Variants in RBFOX1 observed in about 807,000 individuals in gnomAD.
RBFOX1 encodes RNA binding fox-1 homolog 1, also known as RNA binding protein fox-1 homolog 1.
In RBFOX1, 8 loss-of-function variants were observed where a neutral mutation model predicts 57.7. The observed-to-expected ratio is 0.14, with a 90% CI of 0.08 to 0.25. The LOEUF is 0.25. Ranked by LOEUF, RBFOX1 falls within the 10% of genes least tolerant of loss-of-function variation. The pLI, the probability that RBFOX1 is intolerant of heterozygous loss-of-function variation, is 1.00. For missense variants in RBFOX1, 611 were observed against 548.5 expected, an observed-to-expected ratio of 1.11 and a Z score of -1.14; for synonymous variants, 326 against 222.4, an observed-to-expected ratio of 1.47 and a Z score of -4.15.
intron 1 of RBFOX1, among the ~76,000 whole-genome samples, chr16:5,283,083 G>T (rs1485175814): frequency 6.6e-6 from 1 of 152,216 alleles, no homozygotes; most frequent in Non-Finnish European, 1.5e-5. Context: ...TACAACGTAG[G>T]CTGTGACTTC....
At chr16:5,281,345 A>T (rs554095839) in intron 1 of RBFOX1, among the ~76,000 whole-genome samples, 2 of 152,314 alleles carry the variant, frequency 1.3e-5, no homozygotes, top group South Asian at 2.1e-4. Flanking sequence ...GTGTCCTAGC[A>T]TATGGTCTAT....
chr16:6,749,964 T>C (rs778118287), intron 3 of RBFOX1, among the ~76,000 whole-genome samples: 2 of 152,114 alleles, frequency 1.3e-5, no homozygotes, highest in African/African-American at 4.8e-5. Flanking sequence ...GGCACACAAA[T>C]GAAAAGATGG....
chr16:5,623,436 T>G (rs1334175004), intron 3 of RBFOX1, among the ~76,000 whole-genome samples: 4 of 152,154 alleles, frequency 2.6e-5, no homozygotes, highest in Non-Finnish European at 5.9e-5. Flanking sequence ...TCTGTTCTAG[T>G]GGGAGAACAC....
intron 3 of RBFOX1, among the ~76,000 whole-genome samples, chr16:6,720,141 T>C (rs529179052): frequency 6.6e-6 from 1 of 152,136 alleles, no homozygotes; most frequent in South Asian, 2.1e-4. Context: ...GTTAGTAAAG[T>C]GCATGCTTAG....
At chr16:5,717,161 C>T (rs1174854573) in intron 3 of RBFOX1, among the ~76,000 whole-genome samples, 1 of 152,100 alleles carries the variant, frequency 6.6e-6, no homozygotes, top group Non-Finnish European at 1.5e-5. Context: ...ATGAATCCAG[C>T]AGAAAAGTCA....
intron 3 of RBFOX1, among the ~76,000 whole-genome samples, chr16:5,612,538 T>A (rs1348130295): frequency 1.3e-5 from 2 of 152,254 alleles, no homozygotes; most frequent in Non-Finnish European, 2.9e-5. Flanking sequence ...ATAATGGCTC[T>A]GAGAAAGGTT....
At chr16:6,741,241 G>C (rs114288270) in intron 3 of RBFOX1, among the ~76,000 whole-genome samples, 1 of 152,076 alleles carries the variant, frequency 6.6e-6, no homozygotes, top group Admixed American at 6.6e-5. Context: ...AAAATGGATC[G>C]TAGGTTAAAT....
chr16:5,310,632 C>G (rs952434509), intron 1 of RBFOX1, among the ~76,000 whole-genome samples: 16 of 152,096 alleles, frequency 1.1e-4, no homozygotes, highest in African/African-American at 3.6e-4. Context: ...AGAATCGATT[C>G]CCAATTTATG....
In RBFOX1 at chr16:6,026,806, C is replaced by T. The variant is rs138943123; in HGVS notation, c.-127+6814C>T. ...TCTCTGGCCTCTTTATCTAGGCTCA[C>T]GCTCTGAGTATGATTTTGAGGGAGC... On this transcript the variant is annotated intron_variant, in intron 1 of 15. Coordinates refer to ENST00000550418, the MANE Select transcript of RBFOX1 (RefSeq NM_018723.4). Among the ~76,000 whole-genome samples, 89 of 152,314 alleles carry T rather than the reference C, an allele frequency of 5.8e-4. No individual in the cohort carries two copies. In the Middle Eastern group the frequency reaches 0.01, roughly 17 times the overall value.
At chr16:5,690,717 G>C (rs756934961) in intron 3 of RBFOX1, among the ~76,000 whole-genome samples, 5 of 152,130 alleles carry the variant, frequency 3.3e-5, no homozygotes, top group Non-Finnish European at 5.9e-5. Flanking sequence ...GTACAGAAAG[G>C]AAACTGACGT....
At chr16:6,745,708 TG>T (rs2073429917) in intron 3 of RBFOX1, among the ~76,000 whole-genome samples, 1 of 152,218 alleles carries the variant, frequency 6.6e-6, no homozygotes, top group African/African-American at 2.4e-5. Context: ...GAGGAAATAC[TG>T]GTGTTGCCCC....
At chr16:6,649,812 T>G (rs1448302252) in intron 2 of RBFOX1, among the ~76,000 whole-genome samples, 1 of 152,178 alleles carries the variant, frequency 6.6e-6, no homozygotes, top group African/African-American at 2.4e-5. Flanking sequence ...TGCATGTATA[T>G]TGGGTAAGTT....
At chr16:7,216,347 T>C (rs1204617368) in intron 4 of RBFOX1, among the ~76,000 whole-genome samples, 1 of 152,050 alleles carries the variant, frequency 6.6e-6, no homozygotes, top group Non-Finnish European at 1.5e-5. Flanking sequence ...TTCCGTAAAA[T>C]GGGAATAATA....
At chr16:7,461,233 T>C (rs1290330120) in intron 4 of RBFOX1, among the ~76,000 whole-genome samples, 1 of 152,010 alleles carries the variant, frequency 6.6e-6, no homozygotes, top group Non-Finnish European at 1.5e-5. Flanking sequence ...AGTGGCACTA[T>C]CTCGGCTCAC....
At chr16:6,966,879 C>A (rs995818293) in intron 3 of RBFOX1, among the ~76,000 whole-genome samples, 3 of 145,180 alleles carry the variant, frequency 2.1e-5, no homozygotes, top group Non-Finnish European at 4.5e-5. Flanking sequence ...ATCCATGTAT[C>A]CATCTATTCA....
intron 2 of RBFOX1, among the ~76,000 whole-genome samples, chr16:6,563,038 A>G (rs75182790): frequency 0.01 from 1,568 of 152,072 alleles, 32 homozygotes; most frequent in African/African-American, 0.035. Flanking sequence ...CATTTGCACA[A>G]TTAGACTCAG....
In RBFOX1 at chr16:5,662,598, C is replaced by T. The variant is rs576516372; in HGVS notation, c.318+63637C>T. 4.0e-4 allele frequency among the ~76,000 whole-genome samples: 61 copies of T among 152,194 alleles called. No homozygotes were observed. In the South Asian group the frequency reaches 6.7e-3, roughly 17 times the overall value. On this transcript the variant is annotated intron_variant, in intron 3 of 19. Coordinates refer to the RBFOX1 transcript ENST00000641259. ...ATTACTGACCTGGAGTTACCCCCTA[C>T]CATTTTTATTTTATGACAATTTTTT...
At chr16:6,193,244 C>G (rs2097153226) in intron 1 of RBFOX1, among the ~76,000 whole-genome samples, 1 of 150,892 alleles carries the variant, frequency 6.6e-6, no homozygotes, top group Non-Finnish European at 1.5e-5. Flanking sequence ...CTGGCAACAG[C>G]TGATTAGACT....
At chr16:7,331,537 C>G (rs1452925420) in intron 4 of RBFOX1, among the ~76,000 whole-genome samples, 2 of 152,182 alleles carry the variant, frequency 1.3e-5, no homozygotes, top group Non-Finnish European at 2.9e-5. Flanking sequence ...AGCCTTCAAT[C>G]TGAAACCAAA....
Sources: allele counts gnomAD v4.1 joint callset (sites outside exome capture counted in the v4.1 genomes callset), GRCh38; gene constraint gnomAD v4.1.1; transcripts MANE v1.5; gene names NCBI Gene and HGNC (gene_info 2026-07-23, HGNC 2026-07-21).